HORMAD2: variants seen among roughly 807,000 people sequenced by gnomAD.
HORMAD2 encodes HORMA domain containing 2.
HORMAD2 carries 45 observed loss-of-function variants against 38.8 expected under a neutral mutation model. That is an observed-to-expected ratio of 1.16 (90% CI 0.91 to 1.49). HORMAD2 has a LOEUF of 1.49. Among genes scored for constraint, HORMAD2 ranks in the 40% most tolerant of loss-of-function variants. The probability of loss-of-function intolerance (pLI) is 0.00; values close to 1 mark genes in which losing one functional copy is unlikely to be tolerated. For synonymous variants in HORMAD2, 126 were observed against 122.8 expected (o/e 1.03, Z -0.17); for missense variants, 338 against 367.0 (o/e 0.92, Z 0.65).
chr22:30,205,708 G>A, the HORMAD2 span, among the ~76,000 whole-genome samples: 3 of 152,180 alleles, frequency 2.0e-5, no homozygotes, highest in African/African-American at 4.8e-5. Flanking sequence ...GAGTCTTGGG[G>A]GAGGGAGGAG....
chr22:30,087,405 TAC>T (rs1427646907), intron 1 of HORMAD2, among the ~76,000 whole-genome samples: 1 of 152,154 alleles, frequency 6.6e-6, no homozygotes, highest in African/African-American at 2.4e-5. Flanking sequence ...GTTGGGGATA[TAC>T]ACATAAGAAT....
At chr22:30,126,245 T>G (rs1922852507) in intron 10 of HORMAD2, among the ~76,000 whole-genome samples, 1 of 152,050 alleles carries the variant, frequency 6.6e-6, no homozygotes, top group African/African-American at 2.4e-5. Context: ...CTTTGCTCAC[T>G]GCAAGTTCCG....
At chr22:30,094,136 G>T (rs142882576) in intron 2 of HORMAD2, 133 bp downstream of exon 2, 207 of 604,902 alleles carry the variant, frequency 3.4e-4, no homozygotes, top group Non-Finnish European at 5.0e-4. Context: ...TTCTGGGAGA[G>T]TATGTGTACA....
chr22:30,150,640 T>C (rs567450614), intron 10 of HORMAD2, among the ~76,000 whole-genome samples: 1 of 152,320 alleles, frequency 6.6e-6, no homozygotes, highest in South Asian at 2.1e-4. Context: ...ATTATTTTAA[T>C]AGAAGACCTG....
the HORMAD2 span, among the ~76,000 whole-genome samples, chr22:30,198,324 C>G: frequency 5.9e-5 from 9 of 152,226 alleles, no homozygotes; most frequent in African/African-American, 2.2e-4. Context: ...TTATTTGCAC[C>G]AGGTCAGGTA....
intron 4 of HORMAD2, among the ~76,000 whole-genome samples, chr22:30,103,724 G>A (rs7286905): frequency 0.17 from 21,880 of 125,766 alleles, 1,767 homozygotes; most frequent in South Asian, 0.29. Context: ...GTGCAGTGGC[G>A]CAATCTCGGC....
At chr22:30,179,431 G>A (rs1926610698), downstream of HORMAD2, among the ~76,000 whole-genome samples, 1 of 152,152 alleles carries the variant, frequency 6.6e-6, no homozygotes, top group South Asian at 2.1e-4. Context: ...GCTGAGACTT[G>A]ATACATAATT....
intron 1 of HORMAD2, among the ~76,000 whole-genome samples, chr22:30,081,967 T>G (rs1252842076): frequency 1.3e-5 from 2 of 152,148 alleles, no homozygotes; most frequent in African/African-American, 2.4e-5. Flanking sequence ...AGATTTAGGT[T>G]AAGTTTCTTT....
chr22:30,160,512 T>C (rs1925376873), intron 10 of HORMAD2, among the ~76,000 whole-genome samples: 1 of 152,102 alleles, frequency 6.6e-6, no homozygotes, highest in Non-Finnish European at 1.5e-5. Context: ...TTTAAGTTTT[T>C]AGTGATGCAG....
At chr22:30,141,494 G>A (rs560256805) in intron 10 of HORMAD2, among the ~76,000 whole-genome samples, 7 of 151,888 alleles carry the variant, frequency 4.6e-5, no homozygotes, top group African/African-American at 1.7e-4. Flanking sequence ...TACTCAATTT[G>A]TAGTCTTTTA....
chr22:30,198,558 C>T, the HORMAD2 span, among the ~76,000 whole-genome samples: 1 of 152,050 alleles, frequency 6.6e-6, no homozygotes, highest in African/African-American at 2.4e-5. Flanking sequence ...GTCCAGGTCA[C>T]CATCCACTGA....
At chr22:30,106,442 G>T (rs996389529) in intron 5 of HORMAD2, among the ~76,000 whole-genome samples, 2 of 152,220 alleles carry the variant, frequency 1.3e-5, no homozygotes, top group African/African-American at 4.8e-5. Context: ...GCAATGGGAA[G>T]TATGGGAAAG....
At chr22:30,128,190 T>C (rs930990962) in intron 10 of HORMAD2, among the ~76,000 whole-genome samples, 1 of 152,236 alleles carries the variant, frequency 6.6e-6, no homozygotes. Context: ...AAGAATTTTC[T>C]CTTTACAAAT....
Position 30,108,057 on chromosome 22 carries a change from G to T in HORMAD2, c.294+3620G>T, listed in dbSNP as rs576784997. Among the ~76,000 whole-genome samples, 12 of 151,950 alleles carry T rather than the reference G, an allele frequency of 7.9e-5. No homozygotes were observed. The South Asian group carries it at 2.5e-3, about 32-fold the overall frequency. ...CTAATTTTTGTATTTTTAAAGTAGA[G>T]ATGGGGTTTCAATTTTGGGTGATTT... On this transcript the variant is annotated intron_variant, in intron 5 of 10. Transcript: ENST00000336726.
chr22:30,111,858 T>C (rs771908343), intron 6 of HORMAD2, 42 bp downstream of exon 6: 11 of 1,501,614 alleles, frequency 7.3e-6, no homozygotes, highest in Middle Eastern at 1.7e-4. Context: ...CTGTCTCTAT[T>C]TCATTGTCTT....
At chr22:30,171,939 A>C (rs1324359197) in intron 10 of HORMAD2, among the ~76,000 whole-genome samples, 1 of 152,132 alleles carries the variant, frequency 6.6e-6, no homozygotes, top group East Asian at 1.9e-4. Context: ...AAGGTATGAG[A>C]AGCAAGATAT....
chr22:30,201,348 TG>T, the HORMAD2 span, among the ~76,000 whole-genome samples: 1 of 152,110 alleles, frequency 6.6e-6, no homozygotes, highest in Non-Finnish European at 1.5e-5. Flanking sequence ...CATCTTGACT[TG>T]ATTACATCTA....
intron 10 of HORMAD2, among the ~76,000 whole-genome samples, chr22:30,164,189 C>T (rs563770550): frequency 6.6e-6 from 1 of 152,140 alleles, no homozygotes; most frequent in Admixed American, 6.5e-5. Context: ...TTTGTTTATC[C>T]ATTCATCTAT....
At chr22:30,154,207 A>G (rs1203299846) in intron 10 of HORMAD2, among the ~76,000 whole-genome samples, 1 of 152,230 alleles carries the variant, frequency 6.6e-6, no homozygotes, top group Non-Finnish European at 1.5e-5. Context: ...TAGTCACTAG[A>G]TAGGTTAGAA....
Sources: gnomAD v4.1 joint callset for allele counts (sites outside exome capture counted in the v4.1 genomes callset) on GRCh38, gnomAD v4.1.1 for gene constraint, MANE v1.5 for transcripts, NCBI Gene and HGNC (gene_info 2026-07-23, HGNC 2026-07-21) for gene names.